PRIM2: variants seen among roughly 807,000 people sequenced by gnomAD.
The protein encoded by PRIM2 is DNA primase subunit 2, also known as DNA primase large subunit.
In PRIM2, 39 loss-of-function variants were observed where a neutral mutation model predicts 67.3. The ratio of observed to expected loss-of-function variants is 0.58; its 90% CI spans 0.45 to 0.76. PRIM2 has a LOEUF of 0.76. PRIM2 is among the 30% of genes least tolerant of loss of function. The pLI is 0.00. For missense variants in PRIM2, 398 were observed against 598.7 expected (o/e 0.66, Z 3.50); for synonymous variants, 143 against 198.7 (o/e 0.72, Z 2.36).
the PRIM2 span, among the ~76,000 whole-genome samples, chr6:57,307,411 A>G: frequency 0.85 from 127,665 of 150,960 alleles, 54,167 homozygotes; most frequent in East Asian, 0.99. Context: ...CCGCCACCAC[A>G]CCTGGCTAAT....
chr6:57,276,916 A>G, the PRIM2 span, among the ~76,000 whole-genome samples: 3 of 152,026 alleles, frequency 2.0e-5, no homozygotes, highest in Non-Finnish European at 4.4e-5. Context: ...ATGATATATG[A>G]AATGTAAGAT....
intron 7 of PRIM2, among the ~76,000 whole-genome samples, chr6:57,454,100 C>T (rs902235228): frequency 3.2e-4 from 48 of 152,188 alleles, no homozygotes; most frequent in East Asian, 1.9e-3. Context: ...TATTGATTTT[C>T]GTGTGTTGAA....
chr6:57,474,301 A>C (rs1773417429), intron 7 of PRIM2, among the ~76,000 whole-genome samples: 1 of 134,796 alleles, frequency 7.4e-6, no homozygotes, highest in African/African-American at 2.9e-5. Context: ...TCAGCCTCTG[A>C]GTAGCTGAGA....
chr6:57,474,707 G>A (rs2127403219), intron 7 of PRIM2, among the ~76,000 whole-genome samples: 1 of 152,232 alleles, frequency 6.6e-6, no homozygotes, highest in Non-Finnish European at 1.5e-5. Context: ...ACTATTAAGA[G>A]GTGGGGGCCT....
In PRIM2 at chr6:57,340,561, A is replaced by G. The variant is rs573177136; in HGVS notation, c.459+14516A>G. 6.7e-4 allele frequency among the ~76,000 whole-genome samples: 102 copies of G among 152,338 alleles called. 1 individual carries two copies. The East Asian group carries it at 0.017, about 25-fold the overall frequency. ...ATGAGTTCATGTCCTTTGTAGGGAC[A>G]TGGATGAAATTGGAAATCATCATTC... is the stretch of plus-strand genomic sequence containing the variant. On this transcript the variant is annotated intron_variant, in intron 5 of 13. Transcript: ENST00000615550.
chr6:57,224,903 C>T, the PRIM2 span, among the ~76,000 whole-genome samples: 7 of 152,214 alleles, frequency 4.6e-5, no homozygotes, highest in Non-Finnish European at 8.8e-5. Flanking sequence ...TGCCTAAAAG[C>T]AGGACATAAA....
intron 5 of PRIM2, among the ~76,000 whole-genome samples, chr6:57,373,909 G>C (rs1443467315): frequency 6.6e-6 from 1 of 152,026 alleles, no homozygotes; most frequent in African/African-American, 2.4e-5. Context: ...TTTTTGCTTA[G>C]GGTTGTCTTG....
intron 5 of PRIM2, among the ~76,000 whole-genome samples, chr6:57,330,384 T>TTTTTTTTTTTTTTTTTTTTTG (rs1562696759): frequency 4.3e-4 from 15 of 35,136 alleles, no homozygotes; most frequent in African/African-American, 1.5e-3. Flanking sequence ...TGTTTTTTTG[T>TTTTTTTTTTTTTTTTTTTTTG]TTTTTTTTTT....
intron 8 of PRIM2, among the ~76,000 whole-genome samples, chr6:57,520,361 C>T (rs1774585296): frequency 6.6e-6 from 1 of 152,144 alleles, no homozygotes; most frequent in African/African-American, 2.4e-5. Flanking sequence ...TTTATTCCCT[C>T]GACCTCTCAC....
intron 10 of PRIM2, among the ~76,000 whole-genome samples, chr6:57,545,349 T>C (rs1454500721): frequency 1.1e-4 from 16 of 152,204 alleles, no homozygotes; most frequent in African/African-American, 3.9e-4. Flanking sequence ...TGTGTGTTTA[T>C]CATGAACATA....
intron 8 of PRIM2, among the ~76,000 whole-genome samples, chr6:57,530,528 C>T (rs1274321480): frequency 2.8e-3 from 428 of 152,194 alleles, no homozygotes; most frequent in African/African-American, 9.1e-3. Flanking sequence ...AGAGGGAGGG[C>T]GGAGAACTTT....
At chr6:57,486,106 C>T (rs1297593630) in intron 7 of PRIM2, among the ~76,000 whole-genome samples, 1 of 152,126 alleles carries the variant, frequency 6.6e-6, no homozygotes, top group Admixed American at 6.5e-5. Flanking sequence ...TGTGGAAGTG[C>T]TGGACCAGTG....
At chr6:57,428,687 T>G (rs568283327) in intron 7 of PRIM2, among the ~76,000 whole-genome samples, 1 of 152,280 alleles carries the variant, frequency 6.6e-6, no homozygotes, top group East Asian at 1.9e-4. Flanking sequence ...TATGGTTCTC[T>G]AGGCTTCCCT....
chr6:57,366,598 T>C (rs1769367890), intron 5 of PRIM2, among the ~76,000 whole-genome samples: 1 of 152,148 alleles, frequency 6.6e-6, no homozygotes, highest in African/African-American at 2.4e-5. Context: ...CATATGGGTG[T>C]AGCAGTCCAT....
At chr6:57,305,373 A>C in the PRIM2 span, among the ~76,000 whole-genome samples, 1 of 152,194 alleles carries the variant, frequency 6.6e-6, no homozygotes, top group African/African-American at 2.4e-5. Flanking sequence ...ACAGCTTTGG[A>C]GTGTCTGGTC....
chr6:57,297,213 G>C, the PRIM2 span, among the ~76,000 whole-genome samples: 1 of 152,018 alleles, frequency 6.6e-6, no homozygotes, highest in Non-Finnish European at 1.5e-5. Flanking sequence ...AGGTTGAGGC[G>C]GGTGGATCAC....
intron 9 of PRIM2, among the ~76,000 whole-genome samples, chr6:57,533,920 T>TATG (rs1774944056): frequency 6.6e-6 from 1 of 152,178 alleles, no homozygotes; most frequent in African/African-American, 2.4e-5. Flanking sequence ...TGTTAAGTGC[T>TATG]ATGATGATGA....
intron 10 of PRIM2, among the ~76,000 whole-genome samples, chr6:57,558,340 G>A (rs1775559015): frequency 6.6e-6 from 1 of 152,124 alleles, no homozygotes; most frequent in South Asian, 2.1e-4. Context: ...CTACCTAGGA[G>A]ACTCAGAGAG....
intron 3 of PRIM2, among the ~76,000 whole-genome samples, chr6:57,322,877 G>T (rs918108868): frequency 5.3e-5 from 8 of 152,186 alleles, no homozygotes; most frequent in African/African-American, 1.7e-4. Flanking sequence ...AGAGAGAAGG[G>T]AAAGGTGCTA....
Sources: allele counts gnomAD v4.1 joint callset (sites outside exome capture counted in the v4.1 genomes callset), GRCh38; gene constraint gnomAD v4.1.1; transcripts MANE v1.5; gene names NCBI Gene and HGNC (gene_info 2026-07-23, HGNC 2026-07-21).